Variants in TRPC6 observed in about 807,000 individuals in gnomAD.
TRPC6 encodes the protein transient receptor potential cation channel subfamily C member 6, also known as short transient receptor potential channel 6.
In TRPC6, 55 loss-of-function variants were observed where a neutral mutation model predicts 90.7. That is an observed-to-expected ratio of 0.61 (90% CI 0.49 to 0.76). TRPC6 has a LOEUF of 0.76. TRPC6 is among the 30% of genes least tolerant of loss of function. The pLI, the probability that TRPC6 is intolerant of heterozygous loss-of-function variation, is 0.00. For missense variants in TRPC6, 989 were observed against 1,122.7 expected, an observed-to-expected ratio of 0.88 and a Z score of 1.70; for synonymous variants, 393 against 393.0, an observed-to-expected ratio of 1.00 and a Z score of 0.00.
chr11:101,528,380 T>C (rs182784867), intron 1 of TRPC6, among the ~76,000 whole-genome samples: 2 of 152,184 alleles, frequency 1.3e-5, no homozygotes, highest in Non-Finnish European at 2.9e-5. Flanking sequence ...ATAAACCTCA[T>C]TGCCTACACA....
intron 1 of TRPC6, among the ~76,000 whole-genome samples, chr11:101,575,470 T>C (rs746562525): frequency 1.1e-4 from 16 of 152,210 alleles, no homozygotes; most frequent in Non-Finnish European, 1.3e-4. Context: ...CTACCTTCTT[T>C]TTACTGTCAT....
chr11:101,481,319 A>T (rs1859544325), intron 5 of TRPC6, among the ~76,000 whole-genome samples: 1 of 152,188 alleles, frequency 6.6e-6, no homozygotes, highest in African/African-American at 2.4e-5. Context: ...TTTTCTTTAC[A>T]TCTTGCATAT....
At position 101,504,658 on chromosome 11, in the gene TRPC6, T is replaced by A; in HGVS notation, c.311A>T (p.Asp104Val). The stretch of plus-strand genomic sequence containing the variant: ...TGGGATGTTACCATATTCAGCTGCA[T>A]CCAAAAAGCGTTCCTCCTCTATAGA... ...SLSIEEERFL[D>V]AAEYGNIPVV... Residue 104 changes from aspartate to valine, a missense_variant, in exon 2 of 13, where the codon GAT becomes GTT. Physicochemically the swap from Asp to Val is radical, Grantham distance 152. Coordinates refer to ENST00000344327, the MANE Select transcript of TRPC6 (RefSeq NM_004621.6). The A allele has an allele frequency of 6.2e-7, 1 of 1,604,902 alleles. No homozygotes were observed. The highest frequency in any genetic ancestry group is 8.5e-7 in the Non-Finnish European group (1 of 1,174,696).
At chr11:101,520,558 AG>A (rs1258791110) in intron 1 of TRPC6, among the ~76,000 whole-genome samples, 1 of 152,214 alleles carries the variant, frequency 6.6e-6, no homozygotes, top group Admixed American at 6.5e-5. Flanking sequence ...CAGGAAGATA[AG>A]GAAAGGTTTA....
intron 3 of TRPC6, 44 bp from the exon 4 acceptor site, chr11:101,489,145 G>A (rs1487272846): frequency 6.3e-7 from 1 of 1,584,482 alleles, no homozygotes; most frequent in Non-Finnish European, 8.7e-7. Context: ...CTAAAGAAAG[G>A]TTCAGCATAA....
chr11:101,490,192 A>C (rs1475900271), intron 3 of TRPC6, among the ~76,000 whole-genome samples: 2 of 152,244 alleles, frequency 1.3e-5, no homozygotes, highest in Non-Finnish European at 2.9e-5. Flanking sequence ...AATTATAATA[A>C]ACATCCCTAA....
At chr11:101,457,860 C>A (rs1048866683) in intron 10 of TRPC6, among the ~76,000 whole-genome samples, 10 of 152,086 alleles carry the variant, frequency 6.6e-5, no homozygotes, top group African/African-American at 2.4e-4. Context: ...TTGTCAAGAG[C>A]TATTATTTTA....
Position 101,452,634 on chromosome 11 carries a change from T to C in TRPC6, c.*321A>G. The C allele has an allele frequency of 3.4e-6, 1 of 292,224 alleles. No homozygotes were observed. The highest frequency in any genetic ancestry group is 4.0e-5 in the South Asian group (1 of 24,696). 18.1% of individuals were successfully genotyped at this position (292,224 alleles called of 1,614,324 possible). On this transcript the variant is annotated 3_prime_UTR_variant, in exon 13 of 13. Transcript: ENST00000344327. ...GGGGAGTAACGTGGGTCAGCCCCTG[T>C]CCGCTGGGACCCATTTTCAGGCAGA...
chr11:101,488,380 T>A (rs7945727), intron 4 of TRPC6, among the ~76,000 whole-genome samples: 3 of 152,180 alleles, frequency 2.0e-5, no homozygotes, highest in African/African-American at 7.2e-5. Context: ...TCTGGTGTAC[T>A]TAGTCCCTAA....
intron 3 of TRPC6, among the ~76,000 whole-genome samples, chr11:101,490,465 CTATT>C (rs911613469): frequency 1.3e-5 from 2 of 152,058 alleles, no homozygotes; most frequent in Admixed American, 6.6e-5. Context: ...ATCCATCTAT[CTATT>C]TATTTTGAGA....
chr11:101,542,911 TATTAACTATTTTCAAA>T (rs1409519522), intron 1 of TRPC6, among the ~76,000 whole-genome samples: 2 of 152,086 alleles, frequency 1.3e-5, no homozygotes, highest in Admixed American at 6.5e-5. Context: ...ATATTAAAAA[TATTAACTATTTTCAAA>T]ATTGGTAAAC....
intron 1 of TRPC6, among the ~76,000 whole-genome samples, chr11:101,577,060 G>A (rs186503135): frequency 5.7e-4 from 86 of 152,208 alleles, no homozygotes; most frequent in African/African-American, 2.0e-3. Context: ...AAGTGGTTGG[G>A]GGAGACGATT....
At chr11:101,478,344 G>A (rs889108497) in intron 5 of TRPC6, among the ~76,000 whole-genome samples, 13 of 152,006 alleles carry the variant, frequency 8.6e-5, no homozygotes, top group African/African-American at 2.7e-4. Context: ...CAGGAAATAC[G>A]GCAGTTTTTT....
chr11:101,518,284 A>G (rs932419916), intron 1 of TRPC6, among the ~76,000 whole-genome samples: 4 of 152,186 alleles, frequency 2.6e-5, no homozygotes, highest in African/African-American at 9.7e-5. Context: ...AATATTTGCA[A>G]ACTGCCCCTC....
At chr11:101,502,771 C>T (rs1221366219) in intron 2 of TRPC6, among the ~76,000 whole-genome samples, 1 of 152,090 alleles carries the variant, frequency 6.6e-6, no homozygotes, top group Non-Finnish European at 1.5e-5. Context: ...GGGAGCCAAG[C>T]ACATACTGAG....
chr11:101,528,620 A>C (rs1032150567), intron 1 of TRPC6, among the ~76,000 whole-genome samples: 1 of 152,184 alleles, frequency 6.6e-6, no homozygotes, highest in Non-Finnish European at 1.5e-5. Context: ...ACTAACTCTT[A>C]TGTGTAGTCT....
At position 101,462,774 on chromosome 11, in the gene TRPC6, T is replaced by C. The variant is rs537293922; in HGVS notation, c.2484+6653A>G. Among the ~76,000 whole-genome samples, 6 of 152,316 alleles carry C rather than the reference T, an allele frequency of 3.9e-5. No individual in the cohort carries two copies. The East Asian group carries it at 9.7e-4, about 25-fold the overall frequency. On this transcript the variant is annotated intron_variant, in intron 10 of 12. Coordinates refer to ENST00000344327, the MANE Select transcript of TRPC6 (RefSeq NM_004621.6). ...TACAAACAGAGATAATTTGACTTCCTCTTTTCCTATTTGAATACCCTTTCT... is the reference window on the plus strand; with the variant it reads ...TACAAACAGAGATAATTTGACTTCCCCTTTTCCTATTTGAATACCCTTTCT...
Position 101,455,080 on chromosome 11 carries a change from T to G in TRPC6, c.2506A>C (p.Ser836Arg), listed in dbSNP as rs757467191. The change falls in exon 11 of 13, where the codon AGT becomes CGT. Residue 836 changes from serine (S) to arginine (R), a missense_variant. Transcript: ENST00000344327. The part of the protein sequence containing the change: ...KKQVGHNKQP[S>R]IRSSEDFHLN... ...TGGAAATCTTCTGAGCTCCTTATACTTGGTTGTTTATTGTGCCCAACCTGT... is the reference window on the plus strand; with the variant it reads ...TGGAAATCTTCTGAGCTCCTTATACGTGGTTGTTTATTGTGCCCAACCTGT... The G allele has an allele frequency of 3.1e-6, 5 of 1,612,450 alleles. No individual in the cohort carries two copies. The highest frequency in any genetic ancestry group is 3.3e-5 in the Admixed American group (2 of 59,934).
intron 1 of TRPC6, among the ~76,000 whole-genome samples, chr11:101,564,579 C>G (rs1184412529): frequency 6.6e-6 from 1 of 151,988 alleles, no homozygotes; most frequent in Admixed American, 6.6e-5. Context: ...GAAGAAGGCA[C>G]AAACAAATGG....
Sources: allele counts gnomAD v4.1 joint callset (sites outside exome capture counted in the v4.1 genomes callset), GRCh38; gene constraint gnomAD v4.1.1; transcripts MANE v1.5; gene names NCBI Gene and HGNC (gene_info 2026-07-23, HGNC 2026-07-21).